The following PLA2G6 variants were observed in gnomAD, a reference collection of about 807,000 sequenced individuals.
PLA2G6 encodes the protein phospholipase A2 group VI.
PLA2G6 carries 62 observed loss-of-function variants against 83.8 expected under a neutral mutation model. That is an observed-to-expected ratio of 0.74 (90% CI 0.60 to 0.91). The LOEUF (loss-of-function observed/expected upper bound fraction) is 0.91, where lower values mean the gene tolerates loss of function less well. Among genes scored for constraint, PLA2G6 ranks in the 40% least tolerant of loss-of-function variants. PLA2G6 has a pLI of 0.00. For synonymous variants in PLA2G6, 417 were observed against 449.8 expected, an observed-to-expected ratio of 0.93 and a Z score of 0.92; for missense variants, 944 against 1,102.0, an observed-to-expected ratio of 0.86 and a Z score of 2.03.
Position 38,129,498 on chromosome 22 carries a change from T to G in PLA2G6, c.1142A>C (p.Asp381Ala). The G allele has an allele frequency of 6.2e-7, 1 of 1,613,890 alleles. No homozygotes were observed. Among genetic ancestry groups the G allele is most frequent in the Non-Finnish European group, 8.5e-7 (1 of 1,179,756 alleles). ...TAGGAATGTAGGAGTCTCCCCAAAG[T>G]CATTCGGGGTGTCCACTTCTGCTCC... The part of the protein sequence containing the change: ...VFGAEVDTPN[D>A]FGETPTFLAS... Residue 381 changes from aspartate (D) to alanine (A), a missense_variant, in exon 8 of 17, where the codon GAC becomes GCC. Physicochemically the swap from Asp to Ala is moderately radical, Grantham distance 126. Coordinates refer to ENST00000332509, the MANE Select transcript of PLA2G6 (RefSeq NM_003560.4).
chr22:38,132,925 T>C lies in PLA2G6; in HGVS notation c.983A>G (p.Asn328Ser). The change falls in exon 7 of 17, where the codon AAC becomes AGC. Residue 328 changes from asparagine (N) to serine (S), a missense_variant. Transcript: ENST00000332509. The surrounding 1 kb of genome is among the most constrained non-coding windows in gnomAD (Gnocchi z 5.0). Reference protein sequence around the residue: ...NTALHVAVMRNRFDCAIVLLT... With the variant: ...NTALHVAVMRSRFDCAIVLLT... ...CAGCACTATGGCACAGTCGAAGCGG[T>C]TGCGCATCACCGCCACGTGCAGGGC... is the stretch of plus-strand genomic sequence containing the variant. The C allele has an allele frequency of 6.4e-7, 1 of 1,559,128 alleles. No homozygotes were observed. The highest frequency in any genetic ancestry group is 8.7e-7 in the Non-Finnish European group (1 of 1,152,010).
chr22:38,153,111 AT>A (rs1334802845), intron 2 of PLA2G6, among the ~76,000 whole-genome samples: 6 of 152,240 alleles, frequency 3.9e-5, no homozygotes, highest in Non-Finnish European at 7.3e-5. Flanking sequence ...GTGTTCTGTT[AT>A]CAAATGAAGG....
In PLA2G6 at chr22:38,120,883, T is replaced by G. The variant is rs1211223654; in HGVS notation, c.1618A>C (p.Met540Leu). ...HSKSMAYMRGMYFRMKDEVFR... is the reference protein window; with the variant it reads ...HSKSMAYMRGLYFRMKDEVFR... The stretch of plus-strand genomic sequence containing the variant: ...ACCTCATCCTTCATGCGAAAGTACA[T>G]GCCGCGCATGTAGGCCATGGACTTA... The change falls in exon 12 of 17, where the codon ATG becomes CTG. Residue 540 changes from methionine (M) to leucine (L), a missense_variant. Physicochemically the swap from Met to Leu is conservative, Grantham distance 15. Coordinates refer to ENST00000332509, the MANE Select transcript of PLA2G6 (RefSeq NM_003560.4). 1 of 1,613,692 alleles carries G rather than the reference T, an allele frequency of 6.2e-7. No homozygotes were observed. The highest frequency in any genetic ancestry group is 2.2e-5 in the East Asian group (1 of 44,864).
intron 5 of PLA2G6, chr22:38,139,446 T>TATTTATTTATTTATTA (rs2088760352): frequency 6.6e-6 from 1 of 151,600 alleles, no homozygotes. Context: ...TTTATTTATT[T>TATTTATTTATTTATTA]ATTTTTTGAG....
At chr22:38,157,786 G>A (rs1192661434) in intron 2 of PLA2G6, among the ~76,000 whole-genome samples, 7 of 152,006 alleles carry the variant, frequency 4.6e-5, no homozygotes, top group African/African-American at 1.2e-4. Flanking sequence ...CTGTAATCCC[G>A]GCACTTTGGG....
At chr22:38,119,965 G>A (rs913738563) in intron 12 of PLA2G6, among the ~76,000 whole-genome samples, 2 of 141,162 alleles carry the variant, frequency 1.4e-5, no homozygotes, top group Non-Finnish European at 3.1e-5. Flanking sequence ...AGAGCAGAAA[G>A]ACAAGCCACA....
In PLA2G6 at chr22:38,112,405, T is replaced by C. The variant is rs796331166; in HGVS notation, c.2276+99A>G. 5.1e-5 allele frequency: 77 copies of C among 1,521,902 alleles called. No homozygotes were observed. The African/African-American group carries it at 1.0e-3, about 20-fold the overall frequency. 94.3% of individuals were successfully genotyped at this position (1,521,902 alleles called of 1,614,324 possible). On this transcript the variant is annotated intron_variant, in intron 16 of 16. Coordinates refer to ENST00000332509, the MANE Select transcript of PLA2G6 (RefSeq NM_003560.4). ...GGGCTTGGGGAACAGAGCAGACCCT[T>C]GGGGAAGGGAAAGTCCACACTAGGG...
At chr22:38,172,446 T>C (rs990042923) in intron 1 of PLA2G6, among the ~76,000 whole-genome samples, 1 of 152,246 alleles carries the variant, frequency 6.6e-6, no homozygotes, top group African/African-American at 2.4e-5. Context: ...CAAAGCCTGA[T>C]AGAAAACAAA....
intron 2 of PLA2G6, chr22:38,168,048 A>G (rs2090289046): frequency 5.9e-6 from 1 of 168,728 alleles, no homozygotes; most frequent in Non-Finnish European, 1.5e-5. Flanking sequence ...GTAGCTCTCA[A>G]TCACCTCCTT....
rs1249504950 is a variant in PLA2G6 at position 38,132,814 on chromosome 22, C to G, written c.1077+17G>C. 1 of 1,538,512 alleles carries G rather than the reference C, an allele frequency of 6.5e-7. No individual in the cohort carries two copies. The highest frequency in any genetic ancestry group is 8.7e-7 in the Non-Finnish European group (1 of 1,144,596). On this transcript the variant is annotated intron_variant, in intron 7 of 16. Transcript: ENST00000332509. The surrounding 1 kb of genome is among the most constrained non-coding windows in gnomAD (Gnocchi z 5.0). ...CACCGGGGCCCCACAGGGCAGGACA[C>G]GCGGTCCTGGGCTCACCGACATGGC...
At chr22:38,180,707 C>T (rs1340166192) in intron 1 of PLA2G6, among the ~76,000 whole-genome samples, 2 of 152,132 alleles carry the variant, frequency 1.3e-5, no homozygotes, top group Non-Finnish European at 2.9e-5. Context: ...TGTACAGGGC[C>T]ATACTGGTTA....
intron 4 of PLA2G6, 143 bp downstream of exon 4, chr22:38,142,962 C>A: frequency 2.5e-6 from 2 of 813,682 alleles, no homozygotes; most frequent in South Asian, 2.7e-5. Context: ...GGGGTCTGCA[C>A]CCTCCATGAA....
chr22:38,178,831 G>A (rs1339615724), intron 1 of PLA2G6, among the ~76,000 whole-genome samples: 1 of 151,924 alleles, frequency 6.6e-6, no homozygotes, highest in South Asian at 2.1e-4. Context: ...GCACCACTGC[G>A]CTCCAGCCTG....
intron 2 of PLA2G6, among the ~76,000 whole-genome samples, chr22:38,152,662 CAGACTT>C (rs1305440101): frequency 1.3e-5 from 2 of 152,152 alleles, no homozygotes; most frequent in Non-Finnish European, 2.9e-5. Flanking sequence ...GTATAATACT[CAGACTT>C]AGGTATTCCT....
At chr22:38,180,285 T>A (rs1022948702) in intron 1 of PLA2G6, 6 of 152,060 alleles carry the variant, frequency 3.9e-5, no homozygotes, top group African/African-American at 1.5e-4. Flanking sequence ...AAGAAAGTAA[T>A]CCACGGAAGG....
intron 3 of PLA2G6, chr22:38,144,073 G>C (rs967926494): frequency 1.8e-5 from 3 of 163,754 alleles, no homozygotes; most frequent in African/African-American, 7.2e-5. Context: ...CTGGGCCTGG[G>C]AGCTTAACTG....
intron 15 of PLA2G6, among the ~76,000 whole-genome samples, chr22:38,113,080 A>T (rs2086980047): frequency 6.6e-6 from 1 of 151,754 alleles, no homozygotes; most frequent in Non-Finnish European, 1.5e-5. Flanking sequence ...CTAGTTTTTA[A>T]TTTTTTGGTA....
At chr22:38,129,075 C>T (rs780640369) in intron 8 of PLA2G6, among the ~76,000 whole-genome samples, 30 of 152,238 alleles carry the variant, frequency 2.0e-4, no homozygotes, top group Non-Finnish European at 2.9e-4. Context: ...GCCCAGAGCT[C>T]GTGCAGTGTA....
At chr22:38,165,267 G>T (rs558995486) in intron 2 of PLA2G6, among the ~76,000 whole-genome samples, 3 of 152,296 alleles carry the variant, frequency 2.0e-5, no homozygotes, top group South Asian at 4.1e-4. Flanking sequence ...GGCACCTGCT[G>T]GGGGCTGGGC....
Sources: allele counts gnomAD v4.1 joint callset (sites outside exome capture counted in the v4.1 genomes callset), GRCh38; gene constraint gnomAD v4.1.1; non-coding constraint Gnocchi (gnomAD v3.1); transcripts MANE v1.5; gene names NCBI Gene and HGNC (gene_info 2026-07-23, HGNC 2026-07-21).